The following NID2 variants were observed in gnomAD, a reference collection of about 807,000 sequenced individuals.
NID2 encodes nidogen-2.
Under a neutral mutation model 145.4 loss-of-function variants are expected in NID2, and 83 were observed. The ratio of observed to expected loss-of-function variants is 0.57; its 90% CI spans 0.48 to 0.69. The LOEUF (loss-of-function observed/expected upper bound fraction) is 0.69. NID2 is among the 30% of genes least tolerant of loss of function. NID2 has a pLI of 0.00. For missense variants in NID2, 1,807 were observed against 1,765.7 expected (o/e 1.02, Z -0.42); for synonymous variants, 739 against 701.3 (o/e 1.05, Z -0.85).
rs373655365 is a variant in NID2, at chr14:52,014,251, C to A, written c.3420+36G>T. 9.3e-6 allele frequency: 15 copies of A among 1,613,780 alleles called. No individual in the cohort carries two copies. The Admixed American group carries it at 2.3e-4, about 25-fold the overall frequency. On this transcript the variant is annotated intron_variant, in intron 16 of 21. Coordinates refer to ENST00000216286, the MANE Select transcript of NID2 (RefSeq NM_007361.4). Reference sequence around the variant, plus strand: ...GAGGTGGCTCCCACTGGGAAAGCCACGCAGCCCTGCCCCCTACAGGAGAAA... The same window carrying A: ...GAGGTGGCTCCCACTGGGAAAGCCAAGCAGCCCTGCCCCCTACAGGAGAAA...
chr14:52,046,153 C>T (rs1892483652), intron 5 of NID2, among the ~76,000 whole-genome samples: 1 of 152,044 alleles, frequency 6.6e-6, no homozygotes, highest in Non-Finnish European at 1.5e-5. Context: ...GAAACCCCGT[C>T]TCTACTAAAA....
chr14:52,017,394 C>G (rs1195279671), intron 14 of NID2, among the ~76,000 whole-genome samples: 1 of 152,114 alleles, frequency 6.6e-6, no homozygotes, highest in Non-Finnish European at 1.5e-5. Context: ...CTGACCCCAT[C>G]AAACATGAGA....
Position 52,054,099 on chromosome 14 carries a change from A to G in NID2, c.990T>C (p.Gly330=). The change falls in exon 4 of 22, where the codon GGT becomes GGC. Residue 330 remains glycine (G), a synonymous_variant. Coordinates refer to ENST00000216286, the MANE Select transcript of NID2 (RefSeq NM_007361.4). ...GGCCATTCAATGCCTCCTCTGGTTC[A>G]CCCGGAAGGTATTCAGCTTCCTCCT... The part of the protein sequence containing the change: ...VNEEEAEYLP[G]EPEEALNGHS... The G allele has an allele frequency of 6.2e-7, 1 of 1,614,140 alleles. No individual in the cohort carries two copies.
At chr14:52,023,346 T>TG (rs72349921) in intron 12 of NID2, among the ~76,000 whole-genome samples, 15 of 151,564 alleles carry the variant, frequency 9.9e-5, no homozygotes, top group South Asian at 4.2e-4. Context: ...GCATGCTACT[T>TG]GGGGGGGCTG....
At chr14:52,042,017 C>T in intron 7 of NID2, 88 bp downstream of exon 7, 2 of 1,454,092 alleles carry the variant, frequency 1.4e-6, no homozygotes, top group Non-Finnish European at 1.8e-6. Context: ...ATTCCTCTGT[C>T]ACTGCGTAAA....
At position 52,029,499 on chromosome 14, in the gene NID2, A is replaced by G. The variant is rs771845167; in HGVS notation, c.2401+48T>C. The G allele has an allele frequency of 1.8e-5, 29 of 1,577,472 alleles. No homozygotes were observed. In the East Asian group the frequency reaches 3.6e-4, roughly 20 times the overall value. ...ACAGACATAAGGCTGGGGAGGGCAG[A>G]GGAAAAACAAGGGCTACAAGAAGGA... On this transcript the variant is annotated intron_variant, in intron 10 of 21. Transcript: ENST00000216286.
Position 52,068,001 on chromosome 14 carries a change from C to CG in NID2, c.390dup (p.Ala131ArgfsTer59). 6.2e-7 allele frequency: 1 copy of CG among 1,612,150 alleles called. No homozygotes were observed. Among genetic ancestry groups the CG allele is most frequent in the Non-Finnish European group, 8.5e-7 (1 of 1,178,890 alleles). ...TAGCGGGCGGCCAGGCCCAGCACTG[C>CG]GGGGGAGGTGTCCTCTCGGTACAGG... On this transcript the variant is annotated frameshift_variant, in exon 2 of 22. Coordinates refer to ENST00000216286, the MANE Select transcript of NID2 (RefSeq NM_007361.4). LOFTEE classifies it high-confidence loss of function.
At chr14:52,019,729 C>G (rs1891334776) in intron 13 of NID2, among the ~76,000 whole-genome samples, 1 of 152,172 alleles carries the variant, frequency 6.6e-6, no homozygotes, top group Non-Finnish European at 1.5e-5. Flanking sequence ...ACCCTGGCTA[C>G]CGGCGCATAA....
At chr14:52,019,996 T>G (rs191340418) in intron 13 of NID2, 63 bp downstream of exon 13, 2 of 1,591,436 alleles carry the variant, frequency 1.3e-6, no homozygotes, top group East Asian at 4.5e-5. Context: ...TGGGCTGTCA[T>G]AGAAAAATAT....
In NID2 at chr14:52,038,207, AT is replaced by A. The variant is rs1892143616; in HGVS notation, c.2257+539del. ...AGGGAAAAGCATCCAGTCTTTCACC[AT>A]TAAGTATAATGTTCTGGGAATCATG... On this transcript the variant is annotated intron_variant, in intron 9 of 21. Coordinates refer to ENST00000216286, the MANE Select transcript of NID2 (RefSeq NM_007361.4). Among the ~76,000 whole-genome samples the A allele has an allele frequency of 2.0e-5, 3 of 152,360 alleles. No individual in the cohort carries two copies. In the South Asian group the frequency reaches 6.2e-4, roughly 32 times the overall value.
At chr14:52,021,637 A>C (rs1891403725) in intron 12 of NID2, among the ~76,000 whole-genome samples, 2 of 152,218 alleles carry the variant, frequency 1.3e-5, no homozygotes, top group Admixed American at 1.3e-4. Flanking sequence ...ATCAGTTCCT[A>C]GGAGTCCTCC....
chr14:52,050,234 G>A lies in NID2; in HGVS notation c.1429+3345C>T, dbSNP rs10142994. ...ACAGGCAGTCCCATGGTCCCAGGCA[G>A]CTGAAGCCCTCACTGGCAACTCTCT... On this transcript the variant is annotated intron_variant, in intron 5 of 21. Transcript: ENST00000216286. 5.3e-3 allele frequency among the ~76,000 whole-genome samples: 814 copies of A among 152,276 alleles called. 10 individuals carry two copies. The highest frequency in any genetic ancestry group is 0.019 in the African/African-American group (783 of 41,548).
intron 3 of NID2, 139 bp from the exon 4 acceptor site, chr14:52,054,460 G>T: frequency 1.2e-6 from 1 of 849,126 alleles, no homozygotes; most frequent in South Asian, 1.8e-5. Context: ...CCAGCACTTT[G>T]CAAGGCCAAA....
At chr14:52,053,538 T>G in intron 5 of NID2, 41 bp downstream of exon 5, 1 of 1,571,534 alleles carries the variant, frequency 6.4e-7, no homozygotes, top group South Asian at 1.2e-5. Flanking sequence ...ACCAGCATGG[T>G]TAAGATGAAA....
intron 2 of NID2, 22 bp from the exon 3 acceptor site, chr14:52,060,378 AAGAG>A (rs749643395): frequency 1.2e-4 from 94 of 806,206 alleles, no homozygotes; most frequent in South Asian, 2.8e-4. Flanking sequence ...AAAAAAAAAA[AAGAG>A]AGAGAGAGAG....
chr14:52,068,693 GGAGGCAGGGTTTCCGT>G (rs1893313042), intron 1 of NID2, 58 bp downstream of exon 1: 1 of 1,354,398 alleles, frequency 7.4e-7, no homozygotes, highest in African/African-American at 1.4e-5. Flanking sequence ...CCTCCCCTCT[GGAGGCAGGGTTTCCGT>G]GAGACCGACC....
At position 52,041,113 on chromosome 14, in the gene NID2, C is replaced by T. The variant is rs1243063029; in HGVS notation, c.1826-262G>A. 4.6e-5 allele frequency among the ~76,000 whole-genome samples: 7 copies of T among 152,134 alleles called. 1 individual carries two copies. The highest frequency in any genetic ancestry group is 4.1e-4 in the South Asian group (2 of 4,828). ...ATTCTGTGAGAAATACTCTTGGGAA[C>T]GTCCTTGACTTTTCTCTAAGGTTGC... On this transcript the variant is annotated intron_variant, in intron 7 of 21. Transcript: ENST00000216286.
At chr14:52,065,795 G>A (rs1385367281) in intron 2 of NID2, among the ~76,000 whole-genome samples, 36 of 129,828 alleles carry the variant, frequency 2.8e-4, no homozygotes, top group African/African-American at 1.1e-3. Flanking sequence ...GAGAATGATG[G>A]TTTCCAATTT....
rs199854006 is a variant in NID2, at chr14:52,060,322, C to T, written c.569G>A (p.Gly190Glu). 7.4e-5 allele frequency: 118 copies of T among 1,588,750 alleles called. No homozygotes were observed. The highest frequency in any genetic ancestry group is 9.2e-5 in the Non-Finnish European group (107 of 1,165,292). ...AAGAAAGAGGGCGTAGCTATCAGAC[C>T]CATCAGATGCCAAAACTGCCTGGAA... ...NTFQAVLASDGSDSYALFLYP... is the reference protein window; with the variant it reads ...NTFQAVLASDESDSYALFLYP... The change falls in exon 3 of 22, where the codon GGG becomes GAG. Residue 190 changes from glycine to glutamate, a missense_variant. Gly to Glu is a moderately conservative substitution (Grantham distance 98). Transcript: ENST00000216286.
Sources: gnomAD v4.1 joint callset for allele counts (sites outside exome capture counted in the v4.1 genomes callset) on GRCh38, gnomAD v4.1.1 for gene constraint, MANE v1.5 for transcripts, NCBI Gene and HGNC (gene_info 2026-07-23, HGNC 2026-07-21) for gene names.